The following UBE2E2 variants were observed in gnomAD, a reference collection of about 807,000 sequenced individuals.
The protein encoded by UBE2E2 is ubiquitin-conjugating enzyme E2 E2.
Under a neutral mutation model 24.7 loss-of-function variants are expected in UBE2E2, and 6 were observed. The observed-to-expected ratio is 0.24, with a 90% CI of 0.13 to 0.48. The LOEUF (loss-of-function observed/expected upper bound fraction) is 0.48, where lower values mean the gene tolerates loss of function less well. Among genes scored for constraint, UBE2E2 ranks in the 20% least tolerant of loss-of-function variants. The pLI is 0.99. For synonymous variants in UBE2E2, 104 were observed against 83.6 expected (o/e 1.24, Z -1.33); for missense variants, 169 against 245.0 (o/e 0.69, Z 2.07).
intron 1 of UBE2E2, 116 bp downstream of exon 1, chr3:23,203,580 G>C: frequency 1.7e-6 from 1 of 599,282 alleles, no homozygotes; most frequent in Non-Finnish European, 2.1e-6. Flanking sequence ...TACACCGCTC[G>C]TGCCCTAGTT....
chr3:23,240,805 G>T (rs991217622), intron 3 of UBE2E2, among the ~76,000 whole-genome samples: 3 of 152,144 alleles, frequency 2.0e-5, no homozygotes, highest in African/African-American at 7.2e-5. Context: ...TAGAGTGTAT[G>T]CAGTAACTTT....
In UBE2E2 at chr3:23,284,918, T is replaced by C. The variant is rs1447576197; in HGVS notation, c.227+67606T>C. Among the ~76,000 whole-genome samples the C allele has an allele frequency of 3.4e-5, 4 of 119,272 alleles. No homozygotes were observed. In the East Asian group the frequency reaches 8.8e-4, roughly 26 times the overall value. The allele number at this position is 119,272 out of a possible 152,430, so 78.2% of individuals were successfully genotyped here. On this transcript the variant is annotated intron_variant, in intron 3 of 5. Coordinates refer to ENST00000396703, the MANE Select transcript of UBE2E2 (RefSeq NM_152653.4). ...TTGTTCTATCAAATACTAGATCTTA[T>C]TCATTTTTTTTTCATTTTTCTATAG...
chr3:23,404,202 T>C (rs1352496692), intron 3 of UBE2E2, among the ~76,000 whole-genome samples: 1 of 152,186 alleles, frequency 6.6e-6, no homozygotes, highest in Non-Finnish European at 1.5e-5. Context: ...TCAGTTGCAA[T>C]GAGATTCTGC....
At chr3:23,330,985 T>C (rs1695044034) in intron 3 of UBE2E2, among the ~76,000 whole-genome samples, 1 of 152,246 alleles carries the variant, frequency 6.6e-6, no homozygotes, top group Non-Finnish European at 1.5e-5. Flanking sequence ...AGTTGACTAT[T>C]CTTGCTTTTT....
chr3:23,440,076 C>G (rs34827773), intron 3 of UBE2E2, among the ~76,000 whole-genome samples: 10,706 of 151,838 alleles, frequency 0.071, 501 homozygotes, highest in Non-Finnish European at 0.088. Context: ...GAGTTCAAGA[C>G]CAGCCTGGCC....
At chr3:23,270,952 T>A in intron 3 of UBE2E2, 1 of 456,784 alleles carries the variant, frequency 2.2e-6, no homozygotes, top group South Asian at 1.5e-5. Flanking sequence ...GTTAACAGGC[T>A]GTTCCTGATT....
chr3:23,310,041 C>G (rs1301510462), intron 3 of UBE2E2, among the ~76,000 whole-genome samples: 1 of 152,142 alleles, frequency 6.6e-6, no homozygotes, highest in Non-Finnish European at 1.5e-5. Context: ...AGAAGGAAAT[C>G]ACTAAGACGG....
intron 3 of UBE2E2, among the ~76,000 whole-genome samples, chr3:23,351,086 A>G (rs569424687): frequency 1.3e-5 from 2 of 152,242 alleles, no homozygotes; most frequent in Admixed American, 1.3e-4. Context: ...AATATTCAAC[A>G]TTCCTAAAGA....
rs529263619 is a variant in UBE2E2 at position 23,525,264 on chromosome 3, A to G, written c.361-7290A>G. The stretch of plus-strand genomic sequence containing the variant: ...TCCGCCTAATCACAAGGCTGTTTTT[A>G]TCATGTGAGGTAACATTCACAGGTT... On this transcript the variant is annotated intron_variant, in intron 4 of 5. Coordinates refer to ENST00000396703, the MANE Select transcript of UBE2E2 (RefSeq NM_152653.4). 3.3e-5 allele frequency among the ~76,000 whole-genome samples: 5 copies of G among 152,276 alleles called. No homozygotes were observed. The South Asian group carries it at 8.3e-4, about 25-fold the overall frequency.
At chr3:23,548,508 A>G (rs1320192078) in intron 5 of UBE2E2, among the ~76,000 whole-genome samples, 4 of 152,184 alleles carry the variant, frequency 2.6e-5, no homozygotes, top group Admixed American at 6.5e-5. Context: ...GATGGAGCCA[A>G]TGGCAAACTG....
intron 3 of UBE2E2, among the ~76,000 whole-genome samples, chr3:23,430,620 G>T (rs1475845883): frequency 6.6e-6 from 1 of 151,978 alleles, no homozygotes; most frequent in Non-Finnish European, 1.5e-5. Flanking sequence ...CTGGGGTCAA[G>T]CAGTCTTCCT....
intron 3 of UBE2E2, among the ~76,000 whole-genome samples, chr3:23,406,252 T>C (rs1388051781): frequency 5.9e-5 from 9 of 152,238 alleles, no homozygotes; most frequent in Non-Finnish European, 7.3e-5. Flanking sequence ...GCCTTCCTTT[T>C]CTGATTCTCT....
At chr3:23,586,960 G>T (rs1313908602) in intron 5 of UBE2E2, among the ~76,000 whole-genome samples, 3 of 150,646 alleles carry the variant, frequency 2.0e-5, no homozygotes, top group Non-Finnish European at 4.4e-5. Context: ...AACATACCAC[G>T]ATGTTAACAG....
intron 4 of UBE2E2, among the ~76,000 whole-genome samples, chr3:23,522,601 A>G (rs17013412): frequency 0.29 from 44,495 of 151,800 alleles, 6,967 homozygotes; most frequent in African/African-American, 0.4. Context: ...TGAGAAGGAA[A>G]CCTCTATATG....
Position 23,216,858 on chromosome 3 carries a change from A to G in UBE2E2, c.177-404A>G, listed in dbSNP as rs527236374. ...TTCAGGTGTTGGAATGAGATCCCGA[A>G]TCATTTGATTCTATCAGTCATGATG... On this transcript the variant is annotated intron_variant, in intron 2 of 5. Transcript: ENST00000396703. Among the ~76,000 whole-genome samples the G allele has an allele frequency of 1.1e-4, 17 of 152,282 alleles. 2 individuals are homozygous for G. Among genetic ancestry groups the G allele is most frequent in the African/African-American group, 3.8e-4 (16 of 41,570 alleles).
chr3:23,541,205 A>G (rs987146164), intron 5 of UBE2E2, among the ~76,000 whole-genome samples: 2 of 152,226 alleles, frequency 1.3e-5, no homozygotes, highest in African/African-American at 4.8e-5. Context: ...AACACTACCA[A>G]TGTCTGAGTC....
intron 3 of UBE2E2, among the ~76,000 whole-genome samples, chr3:23,398,772 A>G (rs1341556693): frequency 2.6e-5 from 4 of 152,162 alleles, no homozygotes; most frequent in Admixed American, 6.6e-5. Context: ...GTGCCTTCAC[A>G]TGGGGGATGC....
At chr3:23,242,365 T>C (rs1697282303) in intron 3 of UBE2E2, among the ~76,000 whole-genome samples, 1 of 151,428 alleles carries the variant, frequency 6.6e-6, no homozygotes, top group South Asian at 2.1e-4. Context: ...CATCCTTTTA[T>C]CTTGTTTGTT....
chr3:23,263,979 C>G (rs935674575), intron 3 of UBE2E2, among the ~76,000 whole-genome samples: 1 of 152,056 alleles, frequency 6.6e-6, no homozygotes, highest in Non-Finnish European at 1.5e-5. Flanking sequence ...ACAGGGTATC[C>G]GTGGTGACTA....
Sources: allele counts gnomAD v4.1 joint callset (sites outside exome capture counted in the v4.1 genomes callset), GRCh38; gene constraint gnomAD v4.1.1; transcripts MANE v1.5; gene names NCBI Gene and HGNC (gene_info 2026-07-23, HGNC 2026-07-21).